SPIN2A: variants seen among roughly 807,000 people sequenced by gnomAD.
SPIN2A encodes the protein spindlin family member 2A.
In SPIN2A, 4 loss-of-function variants were observed where a neutral mutation model predicts 9.2. That is an observed-to-expected ratio of 0.44 (90% CI 0.21 to 1.00). SPIN2A has a LOEUF of 1.00. Among genes scored for constraint, SPIN2A ranks in the 50% least tolerant of loss-of-function variants. SPIN2A has a pLI of 0.26. For missense variants in SPIN2A, 77 were observed against 172.8 expected (o/e 0.45, Z 3.11); for synonymous variants, 25 against 61.2 (o/e 0.41, Z 2.76).
chrX:57,142,359 G>T (rs1928026194), upstream of SPIN2A, among the ~76,000 whole-genome samples: 1 of 111,795 alleles, frequency 8.9e-6, no homozygotes, highest in Non-Finnish European at 1.9e-5. Context: ...TTTCTTCCTT[G>T]ACCCATTGGT....
chrX:57,136,900 C>G (rs1927805260), intron 1 of SPIN2A: 26 of 687,160 alleles, frequency 3.8e-5, no homozygotes, highest in Non-Finnish European at 5.4e-5. Context: ...TTTACTGCCA[C>G]TAGCATCCAC....
chrX:57,143,475 GTATTAT>G, the SPIN2A span, among the ~76,000 whole-genome samples: 1 of 109,152 alleles, frequency 9.2e-6, no homozygotes, highest in South Asian at 4.0e-4. Context: ...AAAATTGCTC[GTATTAT>G]TATTATTATT....
chrX:57,145,388 C>T, the SPIN2A span, among the ~76,000 whole-genome samples: 5 of 110,635 alleles, frequency 4.5e-5, no homozygotes, highest in South Asian at 3.8e-4. Flanking sequence ...GTCCTTACCC[C>T]GCTTTTTGAT....
chrX:57,138,280 A>G (rs1332797590), upstream of SPIN2A, among the ~76,000 whole-genome samples: 2 of 111,693 alleles, frequency 1.8e-5, no homozygotes, highest in Admixed American at 9.5e-5. Context: ...TTAGATTGCT[A>G]TATCAAGTAA....
upstream of SPIN2A, among the ~76,000 whole-genome samples, chrX:57,140,893 G>T (rs1238781573): frequency 9.0e-6 from 1 of 111,623 alleles, no homozygotes; most frequent in Admixed American, 9.5e-5. Flanking sequence ...CTATTTGGGT[G>T]ATGGGTTCAG....
chrX:57,137,902 T>C (rs1325953760), upstream of SPIN2A, among the ~76,000 whole-genome samples: 1 of 111,846 alleles, frequency 8.9e-6, no homozygotes, highest in African/African-American at 3.3e-5. Context: ...CACATGCACA[T>C]GTATAAAACT....
upstream of SPIN2A, among the ~76,000 whole-genome samples, chrX:57,139,579 G>A (rs777471581): frequency 1.8e-5 from 2 of 110,778 alleles, no homozygotes; most frequent in African/African-American, 3.3e-5. Context: ...TCAGCCTCCC[G>A]AGTAGCTGGA....
chrX:57,139,311 G>T (rs1927932681), upstream of SPIN2A, among the ~76,000 whole-genome samples: 1 of 112,246 alleles, frequency 8.9e-6, no homozygotes, highest in Non-Finnish European at 1.9e-5. Context: ...ATTACAGAGA[G>T]TGTCCTTTCT....
At chrX:57,135,596 T>C, downstream of SPIN2A, 1 of 683,810 alleles carries the variant, frequency 1.5e-6, no homozygotes, top group Non-Finnish European at 2.1e-6. Flanking sequence ...CCATGCCCCA[T>C]CTACCAAACA....
chrX:57,140,417 C>CAAAAAAAAAAAA (rs60570721), upstream of SPIN2A, among the ~76,000 whole-genome samples: 16 of 64,767 alleles, frequency 2.5e-4, no homozygotes, highest in African/African-American at 9.9e-4. Flanking sequence ...CCATCTCTAC[C>CAAAAAAAAAAAA]AAAAAAAAAA....
chrX:57,143,775 G>A, the SPIN2A span, among the ~76,000 whole-genome samples: 1 of 111,616 alleles, frequency 9.0e-6, no homozygotes, highest in African/African-American at 3.3e-5. Context: ...ACCATGCCTA[G>A]CCTGTTATTA....
chrX:57,138,692 A>T (rs1927913543), upstream of SPIN2A, among the ~76,000 whole-genome samples: 1 of 111,503 alleles, frequency 9.0e-6, no homozygotes, highest in Admixed American at 9.6e-5. Flanking sequence ...ATTTACAAGG[A>T]TACCTCTTTC....
chrX:57,146,689 T>A, the SPIN2A span, among the ~76,000 whole-genome samples: 1 of 112,192 alleles, frequency 8.9e-6, no homozygotes, highest in African/African-American at 3.2e-5. Context: ...CAGTATAATG[T>A]TGGCTGTGTG....
chrX:57,134,587 A>G (rs1927622732), downstream of SPIN2A: 1 of 111,691 alleles, frequency 9.0e-6, no homozygotes, highest in African/African-American at 3.3e-5. Flanking sequence ...ATAGAAAACA[A>G]ACATTCCAGC....
upstream of SPIN2A, among the ~76,000 whole-genome samples, chrX:57,142,233 G>A (rs1928023469): frequency 9.0e-6 from 1 of 111,216 alleles, no homozygotes; most frequent in Non-Finnish European, 1.9e-5. Context: ...TTTGACTTAG[G>A]CATTTATTGC....
chrX:57,140,417 C>CAAAAAAAAA (rs60570721), upstream of SPIN2A, among the ~76,000 whole-genome samples: 1 of 64,828 alleles, frequency 1.5e-5, no homozygotes, highest in African/African-American at 6.6e-5. Context: ...CCATCTCTAC[C>CAAAAAAAAA]AAAAAAAAAA....
At chrX:57,137,193 T>TA (rs771766297) in intron 1 of SPIN2A, 67 bp downstream of exon 1, 1 of 758,570 alleles carries the variant, frequency 1.3e-6, no homozygotes, top group South Asian at 6.5e-5. Flanking sequence ...TGGCGCCCAC[T>TA]AATGGCCTTG....
the SPIN2A span, among the ~76,000 whole-genome samples, chrX:57,144,592 G>T: frequency 9.2e-6 from 1 of 109,032 alleles, no homozygotes; most frequent in Non-Finnish European, 1.9e-5. Flanking sequence ...CTTTATTGGT[G>T]ATTTGTGAGA....
At chrX:57,139,706 G>A (rs1927946593), upstream of SPIN2A, among the ~76,000 whole-genome samples, 1 of 111,382 alleles carries the variant, frequency 9.0e-6, no homozygotes, top group Non-Finnish European at 1.9e-5. Flanking sequence ...CGCCCGCCTT[G>A]GCCTCCCAAA....
Sources: allele counts gnomAD v4.1 joint callset (sites outside exome capture counted in the v4.1 genomes callset), GRCh38; gene constraint gnomAD v4.1.1; transcripts MANE v1.5; gene names NCBI Gene and HGNC (gene_info 2026-07-23, HGNC 2026-07-21).